TXNDC11: variants seen among roughly 807,000 people sequenced by gnomAD.
TXNDC11 encodes thioredoxin domain containing 11.
Under a neutral mutation model 78.0 loss-of-function variants are expected in TXNDC11, and 68 were observed. The ratio of observed to expected loss-of-function variants is 0.87; its 90% CI spans 0.72 to 1.07. The LOEUF is 1.07. Among genes scored for constraint, TXNDC11 ranks in the 50% least tolerant of loss-of-function variants. The pLI is 0.00. For synonymous variants in TXNDC11, 571 were observed against 495.2 expected (o/e 1.15, Z -2.03); for missense variants, 1,389 against 1,221.8 (o/e 1.14, Z -2.04).
intron 5 of TXNDC11, among the ~76,000 whole-genome samples, chr16:11,705,191 C>G (rs1033758045): frequency 1.2e-4 from 19 of 152,168 alleles, no homozygotes; most frequent in African/African-American, 4.6e-4. Flanking sequence ...AGCCACCACA[C>G]CCAACTCTAA....
rs950120333 is a variant in TXNDC11, at chr16:11,691,551, T to G, written c.1639A>C (p.Ser547Arg). 6.2e-7 allele frequency: 1 copy of G among 1,614,254 alleles called. No homozygotes were observed. The highest frequency in any genetic ancestry group is 1.7e-5 in the Admixed American group (1 of 60,024). Residue 547 changes from serine to arginine, a missense_variant, in exon 8 of 12, where the codon AGC (serine) becomes CGC (arginine). By Grantham distance (110) the Ser-to-Arg change is moderately radical (BLOSUM62 -1). Coordinates refer to ENST00000283033, the MANE Select transcript of TXNDC11 (RefSeq NM_015914.7). ...TTCTCCTCAATGTGAGGAACGGAGC[T>G]TGGGGCATCAACCTCACATTTCTTC... ...LEKKCEVDAPSSVPHIEENRY... is the reference protein window; with the variant it reads ...LEKKCEVDAPRSVPHIEENRY...
At chr16:11,697,108 A>G (rs1369628696) in intron 7 of TXNDC11, among the ~76,000 whole-genome samples, 1 of 152,248 alleles carries the variant, frequency 6.6e-6, no homozygotes, top group Admixed American at 6.5e-5. Flanking sequence ...CCCTAATTAG[A>G]GGGGAAGAAA....
Position 11,730,782 on chromosome 16 carries a change from C to A in TXNDC11, c.570-8G>T. The A allele has an allele frequency of 6.5e-7, 1 of 1,527,016 alleles. No individual in the cohort carries two copies. The highest frequency in any genetic ancestry group is 1.4e-5 in the African/African-American group (1 of 72,220). The allele number at this position is 1,527,016 out of a possible 1,614,324, so 94.6% of individuals were successfully genotyped here. A position where few individuals can be genotyped will look rare whatever the true frequency, so the allele number is the denominator to read the frequency against. On this transcript the variant is annotated splice_polypyrimidine_tract_variant and splice_region_variant and intron_variant, in intron 3 of 11. Transcript: ENST00000283033. ...TATTCGATTGGTCCAAAACTAGTAC[C>A]AAAAAATAAAAATAAAAATAAAAAT... is the stretch of plus-strand genomic sequence containing the variant.
intron 3 of TXNDC11, among the ~76,000 whole-genome samples, chr16:11,731,042 A>G (rs1348526609): frequency 6.6e-6 from 1 of 152,146 alleles, no homozygotes; most frequent in Non-Finnish European, 1.5e-5. Context: ...AACAAGGAAC[A>G]TTTACTCTTA....
chr16:11,681,387 C>T lies in TXNDC11; in HGVS notation c.2235-1550G>A, dbSNP rs559327271. 3.3e-5 allele frequency among the ~76,000 whole-genome samples: 5 copies of T among 152,330 alleles called. 1 individual carries two copies. The highest frequency in any genetic ancestry group is 2.1e-4 in the South Asian group (1 of 4,824). ...CAGACATTTACAGGACAGTGACATC[C>T]GTGAGCATGCTATCTGCTAACTAAG... On this transcript the variant is annotated intron_variant, in intron 11 of 11. Coordinates refer to ENST00000283033, the MANE Select transcript of TXNDC11 (RefSeq NM_015914.7).
At chr16:11,730,832 A>C in intron 3 of TXNDC11, 58 bp from the exon 4 acceptor site, 1 of 1,322,044 alleles carries the variant, frequency 7.6e-7, no homozygotes, top group Non-Finnish European at 1.0e-6. Flanking sequence ...ACCATGCATT[A>C]AGCCTGTAAT....
chr16:11,741,343 C>T (rs893876447), intron 1 of TXNDC11, among the ~76,000 whole-genome samples: 1 of 152,168 alleles, frequency 6.6e-6, no homozygotes, highest in Non-Finnish European at 1.5e-5. Context: ...AGAAGTACAC[C>T]TGAAATATAC....
At chr16:11,699,127 C>G (rs1416768580) in intron 6 of TXNDC11, among the ~76,000 whole-genome samples, 1 of 152,150 alleles carries the variant, frequency 6.6e-6, no homozygotes, top group Non-Finnish European at 1.5e-5. Flanking sequence ...TGACTCATAA[C>G]AGAGACTAAC....
In TXNDC11 at chr16:11,700,523, G is replaced by A; in HGVS notation, c.835C>T (p.His279Tyr). ...ACTAAGGATACCAGTTTCGCAAGATGTTTATTTGTGATAACCCCAAATCGT... is the reference window on the plus strand; with the variant it reads ...ACTAAGGATACCAGTTTCGCAAGATATTTATTTGTGATAACCCCAAATCGT... ...TVRFGVITNK[H>Y]LAKLVSLVHS... Residue 279 changes from histidine to tyrosine, a missense_variant, in exon 6 of 12, where the codon CAT becomes TAT. His to Tyr is a moderately conservative substitution (Grantham distance 83). Coordinates refer to ENST00000283033, the MANE Select transcript of TXNDC11 (RefSeq NM_015914.7). The A allele has an allele frequency of 6.2e-7, 1 of 1,608,210 alleles. No individual in the cohort carries two copies. The highest frequency in any genetic ancestry group is 8.5e-7 in the Non-Finnish European group (1 of 1,174,874).
intron 5 of TXNDC11, among the ~76,000 whole-genome samples, chr16:11,717,307 G>A (rs992448326): frequency 3.3e-5 from 5 of 151,390 alleles, no homozygotes; most frequent in Non-Finnish European, 7.4e-5. Context: ...GCGCAGTAGT[G>A]GGCGCCTGTA....
intron 5 of TXNDC11, among the ~76,000 whole-genome samples, chr16:11,711,216 G>A (rs778260749): frequency 5.3e-5 from 8 of 152,234 alleles, no homozygotes; most frequent in Non-Finnish European, 1.0e-4. Flanking sequence ...GAGCTGCAGA[G>A]AAAACAGAGT....
At chr16:11,687,406 A>T (rs1310241366) in intron 10 of TXNDC11, among the ~76,000 whole-genome samples, 3 of 152,244 alleles carry the variant, frequency 2.0e-5, no homozygotes, top group African/African-American at 7.2e-5. Flanking sequence ...TCAAAAGCGC[A>T]CATACAGTAC....
intron 11 of TXNDC11, 50 bp downstream of exon 11, chr16:11,684,115 C>T (rs1478578035): frequency 1.5e-6 from 2 of 1,295,486 alleles, no homozygotes; most frequent in Admixed American, 1.7e-5. Context: ...ATTTTCAGAC[C>T]TCCACAAAAG....
At chr16:11,726,375 G>C (rs549353426) in intron 4 of TXNDC11, among the ~76,000 whole-genome samples, 1 of 152,170 alleles carries the variant, frequency 6.6e-6, no homozygotes, top group South Asian at 2.1e-4. Flanking sequence ...GAGGTCAAGA[G>C]ATAGAGACCA....
chr16:11,705,710 T>G lies in TXNDC11; in HGVS notation c.794-5146A>C, dbSNP rs554788817. 8.5e-5 allele frequency among the ~76,000 whole-genome samples: 13 copies of G among 152,220 alleles called. 1 individual carries two copies. Among genetic ancestry groups the G allele is most frequent in the Non-Finnish European group, 1.8e-4 (12 of 68,038 alleles). The stretch of plus-strand genomic sequence containing the variant: ...CTCAAACATATTATAATTTCAAAAC[T>G]TTATTTTTCACACATAACAGAAATG... On this transcript the variant is annotated intron_variant, in intron 5 of 11. Transcript: ENST00000283033.
chr16:11,706,230 G>A (rs1040460980), intron 5 of TXNDC11, among the ~76,000 whole-genome samples: 2 of 152,196 alleles, frequency 1.3e-5, no homozygotes, highest in African/African-American at 4.8e-5. Flanking sequence ...GGAACATCTG[G>A]GTAAAGAATT....
intron 11 of TXNDC11, among the ~76,000 whole-genome samples, chr16:11,683,082 G>A (rs746054584): frequency 3.3e-5 from 5 of 152,154 alleles, no homozygotes; most frequent in Non-Finnish European, 7.4e-5. Flanking sequence ...TCCCCAAAAG[G>A]ACTCAACTTT....
intron 5 of TXNDC11, among the ~76,000 whole-genome samples, chr16:11,714,976 C>A (rs978080426): frequency 9.9e-5 from 15 of 152,112 alleles, no homozygotes; most frequent in Admixed American, 5.2e-4. Context: ...TGTGGCCGGG[C>A]GTGGTGGCTC....
intron 5 of TXNDC11, among the ~76,000 whole-genome samples, chr16:11,715,091 A>G (rs1386824678): frequency 1.3e-5 from 2 of 152,142 alleles, no homozygotes; most frequent in Non-Finnish European, 2.9e-5. Flanking sequence ...TCTCTACTAA[A>G]ATACACAAAA....
Sources: allele counts gnomAD v4.1 joint callset (sites outside exome capture counted in the v4.1 genomes callset), GRCh38; gene constraint gnomAD v4.1.1; transcripts MANE v1.5; gene names NCBI Gene and HGNC (gene_info 2026-07-23, HGNC 2026-07-21).